IMPA1: variants seen among roughly 807,000 people sequenced by gnomAD.
IMPA1 encodes inositol monophosphatase 1, also known as D-galactose 1-phosphate phosphatase.
Under a neutral mutation model 34.9 loss-of-function variants are expected in IMPA1, and 21 were observed. The ratio of observed to expected loss-of-function variants is 0.60; its 90% CI spans 0.43 to 0.87. The LOEUF (loss-of-function observed/expected upper bound fraction) is 0.87, where lower values mean the gene tolerates loss of function less well. Ranked by LOEUF, IMPA1 falls within the 40% of genes least tolerant of loss-of-function variation. The probability of loss-of-function intolerance (pLI) is 0.00; values close to 1 mark genes in which losing one functional copy is unlikely to be tolerated. For synonymous variants in IMPA1, 95 were observed against 104.4 expected, an observed-to-expected ratio of 0.91 and a Z score of 0.55; for missense variants, 299 against 336.4, an observed-to-expected ratio of 0.89 and a Z score of 0.87.
intron 1 of IMPA1, chr8:81,685,891 G>C: frequency 6.5e-7 from 1 of 1,546,828 alleles, no homozygotes; most frequent in Non-Finnish European, 8.7e-7. Context: ...ACTGCGGGCA[G>C]CACAGGACCT....
At chr8:81,668,518 A>G (rs373007724) in intron 7 of IMPA1, among the ~76,000 whole-genome samples, 3 of 152,290 alleles carry the variant, frequency 2.0e-5, no homozygotes, top group Non-Finnish European at 1.5e-5. Flanking sequence ...GCTTGAGCCC[A>G]GGAGGTTGAG....
rs1473488130 is a variant in IMPA1, at chr8:81,659,350, A to G, written c.*1T>C. On this transcript the variant is annotated 3_prime_UTR_variant, in exon 9 of 9. Coordinates refer to ENST00000256108, the MANE Select transcript of IMPA1 (RefSeq NM_005536.4). ...TGGGATTGACTATGAGGCTGCCTTA[A>G]TTAATCTTCGTCGTCTCGTTGCAAA... 3.9e-6 allele frequency: 6 copies of G among 1,557,112 alleles called. No individual in the cohort carries two copies. The Admixed American group carries it at 8.3e-5, about 22-fold the overall frequency.
In IMPA1 at chr8:81,680,683, A is replaced by G; in HGVS notation, c.164T>C (p.Ile55Thr). Reference protein sequence around the residue: ...ATDQKVEKMLISSIKEKYPSH... With the variant: ...ATDQKVEKMLTSSIKEKYPSH... ...TGGATACTTTTCCTTTATGGAAGAG[A>G]TAAGCATTTTTTCAACTTTTTGGTC... Residue 55 changes from isoleucine (I) to threonine (T), a missense_variant, in exon 3 of 9, where the codon ATC (isoleucine) becomes ACC (threonine). Physicochemically the swap from Ile to Thr is moderately conservative, Grantham distance 89 (BLOSUM62 -1). Coordinates refer to ENST00000256108, the MANE Select transcript of IMPA1 (RefSeq NM_005536.4). The G allele has an allele frequency of 6.2e-7, 1 of 1,612,598 alleles. No individual in the cohort carries two copies. The highest frequency in any genetic ancestry group is 2.2e-5 in the East Asian group (1 of 44,846).
intron 7 of IMPA1, among the ~76,000 whole-genome samples, chr8:81,662,107 T>C (rs928958689): frequency 1.3e-5 from 2 of 152,212 alleles, no homozygotes; most frequent in African/African-American, 2.4e-5. Flanking sequence ...TTCCATCATA[T>C]GTTTTTGAAG....
At chr8:81,674,861 C>A (rs1398767927) in intron 5 of IMPA1, 2 of 455,430 alleles carry the variant, frequency 4.4e-6, no homozygotes. Context: ...AAGACAAAAT[C>A]ATTCATTGCC....
In IMPA1 at chr8:81,671,055, G is replaced by T. The variant is rs760366235; in HGVS notation, c.458-8C>A. 2 of 1,371,922 alleles carry T rather than the reference G, an allele frequency of 1.5e-6. No homozygotes were observed. Among genetic ancestry groups the T allele is most frequent in the South Asian group, 3.0e-5 (2 of 65,578 alleles). 85.0% of individuals were successfully genotyped at this position (1,371,922 alleles called of 1,614,324 possible). The stretch of plus-strand genomic sequence containing the variant: ...AGAGAGATTTGGTAATATCTAAAAA[G>T]AAAGTGTTAGGTTTCAATATTTAGA... On this transcript the variant is annotated splice_polypyrimidine_tract_variant and splice_region_variant and intron_variant, in intron 6 of 8. Transcript: ENST00000256108.
At chr8:81,662,340 T>C (rs79082420) in intron 7 of IMPA1, among the ~76,000 whole-genome samples, 11,576 of 152,268 alleles carry the variant, frequency 0.076, 590 homozygotes, top group East Asian at 0.14. Flanking sequence ...TATTCAGATA[T>C]AGAATCCTAG....
chr8:81,661,571 C>G (rs911679383), intron 7 of IMPA1, among the ~76,000 whole-genome samples: 1 of 152,172 alleles, frequency 6.6e-6, no homozygotes, highest in African/African-American at 2.4e-5. Context: ...GCCTATACTT[C>G]TGAAAAATGT....
In IMPA1 at chr8:81,660,602, T is replaced by C; in HGVS notation, c.632A>G (p.Tyr211Cys). The change falls in exon 8 of 9, where the codon TAT (tyrosine) becomes TGT (cysteine). Residue 211 changes from tyrosine to cysteine, a missense_variant. Coordinates refer to ENST00000256108, the MANE Select transcript of IMPA1 (RefSeq NM_005536.4). The part of the protein sequence containing the change: ...CLVATGGADA[Y>C]YEMGIHCWDV... ...CCAGCAGTGAATTCCCATTTCATAA[T>C]ATGCATCTGCTCCGCCAGTTGCCAC... is the stretch of plus-strand genomic sequence containing the variant. 6.2e-7 allele frequency: 1 copy of C among 1,613,622 alleles called. No homozygotes were observed. The highest frequency in any genetic ancestry group is 1.1e-5 in the South Asian group (1 of 91,066).
At chr8:81,663,516 C>T (rs536431792) in intron 7 of IMPA1, among the ~76,000 whole-genome samples, 7 of 152,296 alleles carry the variant, frequency 4.6e-5, no homozygotes, top group Admixed American at 4.6e-4. Flanking sequence ...TCTCAAGCAG[C>T]CACATCACCT....
chr8:81,661,611 G>C (rs976097985), intron 7 of IMPA1, among the ~76,000 whole-genome samples: 8 of 152,178 alleles, frequency 5.3e-5, no homozygotes, highest in African/African-American at 1.9e-4. Flanking sequence ...GACTAAGCAA[G>C]TTCTAAATTA....
intron 1 of IMPA1, among the ~76,000 whole-genome samples, chr8:81,684,674 TTTAG>T (rs374980320): frequency 1.0e-4 from 9 of 85,980 alleles, no homozygotes; most frequent in East Asian, 2.2e-3. Context: ...CATAAGTATA[TTTAG>T]ATACTATGTG....
chr8:81,684,124 CACACAT>C lies in IMPA1; in HGVS notation c.-25+2122_-25+2127del, dbSNP rs1470840108. On this transcript the variant is annotated intron_variant, in intron 1 of 8. Transcript: ENST00000256108. The stretch of plus-strand genomic sequence containing the variant: ...ATATATATATATATATACACACACA[CACACAT>C]ACACACATACACACACACACACACA... 6.0e-5 allele frequency among the ~76,000 whole-genome samples: 7 copies of C among 117,412 alleles called. No individual in the cohort carries two copies. The East Asian group carries it at 1.1e-3, about 19-fold the overall frequency. 77.0% of individuals were successfully genotyped at this position (117,412 alleles called of 152,430 possible).
At chr8:81,686,099 G>A in intron 1 of IMPA1, 153 bp downstream of exon 1, 4 of 864,538 alleles carry the variant, frequency 4.6e-6, no homozygotes, top group South Asian at 2.7e-5. Context: ...TCCGGATAAC[G>A]CAGCAGGCAG....
At chr8:81,684,278 TA>T (rs1807400743) in intron 1 of IMPA1, among the ~76,000 whole-genome samples, 1 of 142,648 alleles carries the variant, frequency 7.0e-6, no homozygotes, top group African/African-American at 2.7e-5. Context: ...ATACCATACA[TA>T]AGTATATTTA....
chr8:81,683,599 T>C (rs1461776198), intron 1 of IMPA1, among the ~76,000 whole-genome samples: 1 of 151,944 alleles, frequency 6.6e-6, no homozygotes, highest in Non-Finnish European at 1.5e-5. Context: ...AGAGTCAAGT[T>C]TGGGATATAG....
chr8:81,680,415 G>C (rs971773403), intron 3 of IMPA1, among the ~76,000 whole-genome samples: 1 of 152,192 alleles, frequency 6.6e-6, no homozygotes, highest in African/African-American at 2.4e-5. Flanking sequence ...AAGGAACTGA[G>C]AGAAGCTACC....
chr8:81,660,087 T>TA, intron 8 of IMPA1, among the ~76,000 whole-genome samples: 1 of 152,234 alleles, frequency 6.6e-6, no homozygotes, highest in African/African-American at 2.4e-5. Flanking sequence ...GGGCCACACA[T>TA]AAAATACACT....
At chr8:81,668,920 T>C (rs1806910829) in intron 7 of IMPA1, among the ~76,000 whole-genome samples, 1 of 152,144 alleles carries the variant, frequency 6.6e-6, no homozygotes, top group Non-Finnish European at 1.5e-5. Flanking sequence ...TAGACTGTGC[T>C]CCCTACATCC....
Sources: allele counts gnomAD v4.1 joint callset (sites outside exome capture counted in the v4.1 genomes callset), GRCh38; gene constraint gnomAD v4.1.1; transcripts MANE v1.5; gene names NCBI Gene and HGNC (gene_info 2026-07-23, HGNC 2026-07-21).